The following USP6 variants were observed in gnomAD, a reference collection of about 807,000 sequenced individuals.
The protein encoded by USP6 is ubiquitin specific peptidase 6, also known as ubiquitin carboxyl-terminal hydrolase 6.
Under a neutral mutation model 175.7 loss-of-function variants are expected in USP6, and 128 were observed. That is an observed-to-expected ratio of 0.73 (90% CI 0.63 to 0.84). The LOEUF is 0.84. USP6 is among the 40% of genes least tolerant of loss of function. USP6 has a pLI of 0.00. For missense variants in USP6, 1,498 were observed against 1,760.3 expected, an observed-to-expected ratio of 0.85 and a Z score of 2.67; for synonymous variants, 562 against 630.6, an observed-to-expected ratio of 0.89 and a Z score of 1.63.
rs764194879 is a variant in USP6, at chr17:5,130,457, C to T, written c.72+18C>T. ...ATGACAAGGTACAGTTCGGTCTGCT[C>T]CTTGGAGGGAGGCCTCTTCCAGTGC... On this transcript the variant is annotated intron_variant, in intron 10 of 37. Transcript: ENST00000574788. 5 of 1,613,994 alleles carry T rather than the reference C, an allele frequency of 3.1e-6. No homozygotes were observed. Among genetic ancestry groups the T allele is most frequent in the Admixed American group, 3.3e-5 (2 of 60,010 alleles).
rs1255692457 is a variant in USP6 at position 5,174,264 on chromosome 17, AT to A, written c.*1287del. The A allele has an allele frequency of 1.1e-5, 2 of 188,728 alleles. No homozygotes were observed. The highest frequency in any genetic ancestry group is 4.7e-5 in the African/African-American group (2 of 42,660). 11.7% of individuals were successfully genotyped at this position (188,728 alleles called of 1,614,324 possible). A position where few individuals can be genotyped will look rare whatever the true frequency, so the allele number is the denominator to read the frequency against. ...AATTTTTTTCATGTAGTTTCTTAAT[AT>A]ATACTTGAAGGAAATGTTTCACCTT... On this transcript the variant is annotated 3_prime_UTR_variant, in exon 38 of 38. Coordinates refer to ENST00000574788, the MANE Select transcript of USP6 (RefSeq NM_001304284.2).
intron 15 of USP6, chr17:5,135,003 ATCAT>A (rs2073204922): frequency 4.2e-6 from 2 of 477,266 alleles, no homozygotes; most frequent in East Asian, 8.1e-5. Flanking sequence ...GAAAAAAAAA[ATCAT>A]TCAGCGTGAA....
rs758322566 is a variant in USP6 at position 5,171,678 on chromosome 17, A to C, written c.4046A>C (p.Glu1349Ala). 1 of 1,613,342 alleles carries C rather than the reference A, an allele frequency of 6.2e-7. No homozygotes were observed. The highest frequency in any genetic ancestry group is 1.1e-5 in the South Asian group (1 of 90,926). The stretch of plus-strand genomic sequence containing the variant: ...TACTGTTATAATGACAGCAGCTGTG[A>C]GGTAAACATTCTCAATCTTTGAATG... Reference protein sequence around the residue: ...KWYCYNDSSCEELHPDEIDTD... With the variant: ...KWYCYNDSSCAELHPDEIDTD... Residue 1349 changes from glutamate to alanine, a missense_variant and splice_region_variant, in exon 37 of 38, where the codon GAG (glutamate) becomes GCG (alanine). Transcript: ENST00000574788.
intron 33 of USP6, 146 bp from the exon 34 acceptor site, chr17:5,167,786 G>C (rs1731170615): frequency 2.0e-6 from 2 of 1,008,266 alleles, no homozygotes; most frequent in South Asian, 4.2e-5. Context: ...TTACAGGCCT[G>C]AGCCATCATA....
At chr17:5,136,577 C>T (rs1221791647) in intron 17 of USP6, 63 bp from the exon 18 acceptor site, 6 of 1,586,888 alleles carry the variant, frequency 3.8e-6, no homozygotes, top group Non-Finnish European at 5.2e-6. Flanking sequence ...CCAGCTCTTT[C>T]AGCTGATGGC....
intron 19 of USP6, 65 bp downstream of exon 19, chr17:5,137,251 A>C: frequency 6.3e-7 from 1 of 1,584,362 alleles, no homozygotes; most frequent in Non-Finnish European, 8.6e-7. Flanking sequence ...GTGCTTCCCC[A>C]GCCCGGGGGT....
chr17:5,119,884 G>A (rs1302718899), intron 2 of USP6, among the ~76,000 whole-genome samples: 2 of 152,154 alleles, frequency 1.3e-5, no homozygotes, highest in Admixed American at 6.5e-5. Context: ...ATTTATCTAC[G>A]GCTGCACAGG....
chr17:5,139,108 A>G, intron 21 of USP6, 147 bp from the exon 22 acceptor site: 1 of 1,596,406 alleles, frequency 6.3e-7, no homozygotes, highest in Non-Finnish European at 8.5e-7. Context: ...CTCTGGGATC[A>G]GCAGACTACA....
intron 30 of USP6, among the ~76,000 whole-genome samples, chr17:5,150,290 C>CTAAAAAAA (rs1410373555): frequency 0.025 from 2,198 of 87,532 alleles, 113 homozygotes; most frequent in Admixed American, 0.16. Flanking sequence ...GAAACTCCGT[C>CTAAAAAAA]TAAAAAAATA....
At chr17:5,117,159 C>T (rs928217144) in intron 1 of USP6, among the ~76,000 whole-genome samples, 5 of 152,216 alleles carry the variant, frequency 3.3e-5, no homozygotes, top group Non-Finnish European at 5.9e-5. Flanking sequence ...TAAGTTCCAT[C>T]AGGCCAGAGA....
In USP6 at chr17:5,170,914, C is replaced by G; in HGVS notation, c.3953C>G (p.Ser1318Ter). Residue 1318 changes from serine to a stop codon, truncating the protein, a stop_gained and splice_region_variant, in exon 36 of 38, where the codon TCA becomes TGA. Coordinates refer to ENST00000574788, the MANE Select transcript of USP6 (RefSeq NM_001304284.2). LOFTEE classifies it high-confidence loss of function. ...CCTATTTATAATCTATATGCAATTT[C>G]AGTAAGTGGTTTATTATACGGTTTT... ...IKPIYNLYAI[S>*]CHSGILSGGH... 6.2e-7 allele frequency: 1 copy of G among 1,609,906 alleles called. No homozygotes were observed.
Position 5,124,883 on chromosome 17 carries a change from G to A in USP6, c.-981G>A, listed in dbSNP as rs1160428331. On this transcript the variant is annotated 5_prime_UTR_variant, in exon 5 of 38. Transcript: ENST00000574788. The stretch of plus-strand genomic sequence containing the variant: ...CCCTTGGGTGGGTGTAGGTATGCAA[G>A]GTAATTTTGGGTGGTTCAAGGTGAA... 4 of 152,186 alleles carry A rather than the reference G, an allele frequency of 2.6e-5. No homozygotes were observed. The highest frequency in any genetic ancestry group is 4.4e-5 in the Non-Finnish European group (3 of 68,048). 9.4% of individuals were successfully genotyped at this position (152,186 alleles called of 1,614,324 possible). A position where few individuals can be genotyped will look rare whatever the true frequency, so the allele number is the denominator to read the frequency against.
At chr17:5,133,290 TTC>T (rs2073136065) in intron 13 of USP6, among the ~76,000 whole-genome samples, 151 bp from the exon 14 acceptor site, 1 of 152,074 alleles carries the variant, frequency 6.6e-6, no homozygotes, top group Admixed American at 6.5e-5. Flanking sequence ...CATCCACTCT[TTC>T]AGTCCTGGGA....
At chr17:5,153,077 G>A (rs994222050) in intron 30 of USP6, among the ~76,000 whole-genome samples, 20 of 152,144 alleles carry the variant, frequency 1.3e-4, no homozygotes, top group Admixed American at 2.6e-4. Flanking sequence ...GAAATCTAGT[G>A]TTTATTTACT....
In USP6 at chr17:5,133,589, G is replaced by T. The variant is rs1336889387; in HGVS notation, c.384+39G>T. 2.6e-6 allele frequency: 4 copies of T among 1,533,920 alleles called. No individual in the cohort carries two copies. The South Asian group carries it at 4.5e-5, about 17-fold the overall frequency. On this transcript the variant is annotated intron_variant, in intron 14 of 37. Coordinates refer to ENST00000574788, the MANE Select transcript of USP6 (RefSeq NM_001304284.2). The stretch of plus-strand genomic sequence containing the variant: ...GAGCACAACAAACAGGACAGGCCGT[G>T]TCAGGGGCCCAGGTCTCCAGCTGGA...
At chr17:5,127,044 T>A (rs1357312448) in intron 6 of USP6, 1 of 124,098 alleles carries the variant, frequency 8.1e-6, no homozygotes, top group Admixed American at 7.5e-5. Flanking sequence ...GGGGTGGGTT[T>A]GGGGTGGGAA....
At chr17:5,140,330 C>T (rs1320361599) in intron 22 of USP6, among the ~76,000 whole-genome samples, 4 of 152,022 alleles carry the variant, frequency 2.6e-5, no homozygotes, top group South Asian at 2.1e-4. Flanking sequence ...TTTGAGAGGT[C>T]GAGGCGGGAG....
intron 33 of USP6, among the ~76,000 whole-genome samples, chr17:5,165,866 A>T (rs924440037): frequency 6.6e-6 from 1 of 152,202 alleles, no homozygotes; most frequent in Non-Finnish European, 1.5e-5. Context: ...CTGTCAGTAC[A>T]GTCCACAAAT....
At position 5,169,073 on chromosome 17, in the gene USP6, T is replaced by C. The variant is rs772587929; in HGVS notation, c.3517+18T>C. On this transcript the variant is annotated intron_variant, in intron 35 of 37. Transcript: ENST00000574788. ...CCCAAAAGGTGAGGCCTGGGGGCCT[T>C]ATGCAGTTGCTTTCTTGGGACTCCT... 1 of 1,556,814 alleles carries C rather than the reference T, an allele frequency of 6.4e-7. No individual in the cohort carries two copies.
Sources: allele counts gnomAD v4.1 joint callset (sites outside exome capture counted in the v4.1 genomes callset), GRCh38; gene constraint gnomAD v4.1.1; transcripts MANE v1.5; gene names NCBI Gene and HGNC (gene_info 2026-07-23, HGNC 2026-07-21).